The following MYO5C variants were observed in gnomAD, a reference collection of about 807,000 sequenced individuals.
MYO5C encodes the protein unconventional myosin-Vc.
In MYO5C, 194 loss-of-function variants were observed where a neutral mutation model predicts 235.7. The ratio of observed to expected loss-of-function variants is 0.82; its 90% confidence interval spans 0.73 to 0.93. The LOEUF is 0.93. Ranked by LOEUF, MYO5C falls within the 40% of genes least tolerant of loss-of-function variation. The probability of loss-of-function intolerance (pLI) is 0.00; values close to 1 mark genes in which losing one functional copy is unlikely to be tolerated. For missense variants in MYO5C, 2,038 were observed against 2,127.2 expected (o/e 0.96, Z 0.82); for synonymous variants, 707 against 754.8 (o/e 0.94, Z 1.04).
intron 24 of MYO5C, among the ~76,000 whole-genome samples, chr15:52,231,802 C>A (rs1173385692): frequency 6.6e-6 from 1 of 152,108 alleles, no homozygotes; most frequent in Non-Finnish European, 1.5e-5. Flanking sequence ...GATCTAAAAA[C>A]CTTTGACTCC....
At chr15:52,194,902 A>G (rs1247173878) in intron 40 of MYO5C, among the ~76,000 whole-genome samples, 1 of 152,128 alleles carries the variant, frequency 6.6e-6, no homozygotes, top group East Asian at 1.9e-4. Context: ...ACAGGTACAT[A>G]TTTAGAAAAA....
chr15:52,254,862 T>C (rs1171657722), intron 11 of MYO5C, among the ~76,000 whole-genome samples: 1 of 152,150 alleles, frequency 6.6e-6, no homozygotes, highest in African/African-American at 2.4e-5. Context: ...AGAGTTTGAC[T>C]TCAGGTGAGT....
intron 4 of MYO5C, chr15:52,277,326 A>G: frequency 2.0e-6 from 1 of 494,084 alleles, no homozygotes; most frequent in Non-Finnish European, 4.0e-6. Flanking sequence ...TACAGTGCCA[A>G]AGAGCTCATC....
At position 52,260,870 on chromosome 15, in the gene MYO5C, G is replaced by A. The variant is rs772525639; in HGVS notation, c.1305C>T (p.Asp435=). The change falls in exon 10 of 41, where the codon GAC becomes GAT. Residue 435 remains aspartate, a synonymous_variant. Transcript: ENST00000261839. ...ACTGAAGAGAATCTTACCCATAAAT[G>A]TCCAAAACACCAATAAAAGTGTGCT... ...GKQHTFIGVL[D]IYGFETFDVN... 1.2e-6 allele frequency: 2 copies of A among 1,614,134 alleles called. No individual in the cohort carries two copies. Among genetic ancestry groups the A allele is most frequent in the South Asian group, 2.2e-5 (2 of 91,070 alleles).
At chr15:52,214,532 A>G (rs1355440999) in intron 33 of MYO5C, 71 bp downstream of exon 33, 1 of 1,144,362 alleles carries the variant, frequency 8.7e-7, no homozygotes, top group African/African-American at 1.6e-5. Context: ...TTTGGACCAG[A>G]AAGAAAATAA....
intron 33 of MYO5C, 103 bp downstream of exon 33, chr15:52,214,500 C>G (rs891443389): frequency 1.2e-6 from 1 of 856,124 alleles, no homozygotes; most frequent in Admixed American, 3.1e-5. Flanking sequence ...ACTTGAGAAT[C>G]ATTCCTTTGG....
intron 1 of MYO5C, among the ~76,000 whole-genome samples, chr15:52,286,907 C>T (rs1002576026): frequency 1.3e-5 from 2 of 149,994 alleles, no homozygotes; most frequent in Non-Finnish European, 3.0e-5. Context: ...GCCAAATCCC[C>T]CTCTGCGAGA....
intron 25 of MYO5C, among the ~76,000 whole-genome samples, chr15:52,226,960 C>T (rs2035837715): frequency 6.6e-6 from 1 of 151,794 alleles, no homozygotes; most frequent in African/African-American, 2.4e-5. Flanking sequence ...CCAGCCTGGC[C>T]AACATGGTGA....
intron 38 of MYO5C, among the ~76,000 whole-genome samples, chr15:52,198,040 T>C (rs1488382582): frequency 6.6e-6 from 1 of 152,096 alleles, no homozygotes; most frequent in East Asian, 1.9e-4. Context: ...CTAAAGTCAG[T>C]TCCAGCTCTG....
At chr15:52,286,277 G>GC (rs1294302784) in intron 1 of MYO5C, among the ~76,000 whole-genome samples, 2 of 148,682 alleles carry the variant, frequency 1.3e-5, no homozygotes, top group South Asian at 2.2e-4. Context: ...GTGGGGGTCA[G>GC]CCCCCCGCCC....
At position 52,272,568 on chromosome 15, in the gene MYO5C, T is replaced by C. The variant is rs778366051; in HGVS notation, c.750+12A>G. 1 of 1,609,898 alleles carries C rather than the reference T, an allele frequency of 6.2e-7. No individual in the cohort carries two copies. Among genetic ancestry groups the C allele is most frequent in the South Asian group, 1.1e-5 (1 of 89,852 alleles). On this transcript the variant is annotated intron_variant, in intron 6 of 40. Transcript: ENST00000261839. ...GCTCAAAAAGTTGGGGAAAAGGAAA[T>C]TTAATACTTACTTGAAAGACAACTC...
intron 32 of MYO5C, among the ~76,000 whole-genome samples, chr15:52,217,769 G>A (rs760240454): frequency 6.6e-6 from 1 of 152,156 alleles, no homozygotes; most frequent in Admixed American, 6.5e-5. Flanking sequence ...TGGAAATGGG[G>A]GCCCTGTCAG....
intron 38 of MYO5C, among the ~76,000 whole-genome samples, chr15:52,202,420 G>C (rs1229612355): frequency 2.0e-5 from 3 of 152,138 alleles, no homozygotes; most frequent in Non-Finnish European, 4.4e-5. Flanking sequence ...CCTGGTGGAA[G>C]GGAAAAAGTA....
At chr15:52,263,318 C>G (rs988640620) in intron 9 of MYO5C, among the ~76,000 whole-genome samples, 1 of 151,872 alleles carries the variant, frequency 6.6e-6, no homozygotes, top group Non-Finnish European at 1.5e-5. Context: ...AAACACATAC[C>G]CCTCCCCCAA....
intron 26 of MYO5C, 137 bp downstream of exon 26, chr15:52,225,302 G>A (rs1417331628): frequency 9.6e-7 from 1 of 1,043,486 alleles, no homozygotes; most frequent in Non-Finnish European, 1.5e-6. Flanking sequence ...CAACCAACTA[G>A]CTATTCAACC....
intron 12 of MYO5C, 73 bp downstream of exon 12, chr15:52,253,244 A>C (rs532234158): frequency 6.8e-7 from 1 of 1,470,630 alleles, no homozygotes. Context: ...GCACACTTCA[A>C]AAAAACTGCT....
At position 52,239,760 on chromosome 15, in the gene MYO5C, C is replaced by G. The variant is rs2036171496; in HGVS notation, c.2676G>C (p.Gln892His). 1.2e-6 allele frequency: 2 copies of G among 1,611,138 alleles called. No homozygotes were observed. Among genetic ancestry groups the G allele is most frequent in the African/African-American group, 2.7e-5 (2 of 74,846 alleles). Residue 892 changes from glutamine to histidine, a missense_variant, in exon 21 of 41, where the codon CAG becomes CAC. By Grantham distance (24) the Gln-to-His change is conservative. Coordinates refer to ENST00000261839, the MANE Select transcript of MYO5C (RefSeq NM_018728.4). ...GATCTTCCAACTTTTTCTGCAAACGCTGGACCCTGTAAGTAAGCTGAATAT... is the reference window on the plus strand; with the variant it reads ...GATCTTCCAACTTTTTCTGCAAACGGTGGACCCTGTAAGTAAGCTGAATAT... ...VLNIQLTYRV[Q>H]RLQKKLEDQN...
intron 1 of MYO5C, among the ~76,000 whole-genome samples, chr15:52,292,713 C>A (rs555782483): frequency 5.9e-5 from 9 of 152,352 alleles, no homozygotes; most frequent in African/African-American, 2.2e-4. Context: ...AGTGGAGACA[C>A]AGAGTTCACG....
chr15:52,290,622 T>C (rs1016405273), intron 1 of MYO5C, among the ~76,000 whole-genome samples: 43 of 72,480 alleles, frequency 5.9e-4, no homozygotes, highest in African/African-American at 1.3e-3. Flanking sequence ...AGAGCAACCT[T>C]TAGGAAAAAA....
Sources: allele counts gnomAD v4.1 joint callset (sites outside exome capture counted in the v4.1 genomes callset), GRCh38; gene constraint gnomAD v4.1.1; transcripts MANE v1.5; gene names NCBI Gene and HGNC (gene_info 2026-07-23, HGNC 2026-07-21).